Variants in DISP3 observed in about 807,000 individuals in gnomAD.
DISP3 encodes dispatched RND transporter family member 3, also known as protein dispatched homolog 3.
Under a neutral mutation model 135.3 loss-of-function variants are expected in DISP3, and 101 were observed. That is an observed-to-expected ratio of 0.75 (90% CI 0.64 to 0.88). The LOEUF (loss-of-function observed/expected upper bound fraction) is 0.88, where lower values mean the gene tolerates loss of function less well. Among genes scored for constraint, DISP3 ranks in the 40% least tolerant of loss-of-function variants. The probability of loss-of-function intolerance (pLI) is 0.00; values close to 1 mark genes in which losing one functional copy is unlikely to be tolerated. For synonymous variants in DISP3, 856 were observed against 817.0 expected, an observed-to-expected ratio of 1.05 and a Z score of -0.81; for missense variants, 1,713 against 1,878.6, an observed-to-expected ratio of 0.91 and a Z score of 1.63.
At chr1:11,486,824 C>T (rs946978288) in intron 1 of DISP3, among the ~76,000 whole-genome samples, 5 of 152,032 alleles carry the variant, frequency 3.3e-5, no homozygotes, top group South Asian at 4.1e-4. Context: ...ACTACGGGTG[C>T]GCATGACCAC....
chr1:11,520,562 C>T lies in DISP3; in HGVS notation c.2201-125C>T. 2.8e-6 allele frequency: 3 copies of T among 1,064,682 alleles called. No homozygotes were observed. The highest frequency in any genetic ancestry group is 5.1e-5 in the East Asian group (2 of 39,058). The allele number at this position is 1,064,682 out of a possible 1,614,324, so 66.0% of individuals were successfully genotyped here. On this transcript the variant is annotated intron_variant, in intron 9 of 20. Coordinates refer to ENST00000294484, the MANE Select transcript of DISP3 (RefSeq NM_020780.2). This position sits in a 1 kb window ranked among gnomAD's most constrained non-coding sequence, Gnocchi z 4.8. ...CCCACGGGCTGGCATGCAGGGCCTTCCCCCGCACCCTTAGGACACCCGCCC... is the reference window on the plus strand; with the variant it reads ...CCCACGGGCTGGCATGCAGGGCCTTTCCCCGCACCCTTAGGACACCCGCCC...
chr1:11,529,577 C>A lies in DISP3; in HGVS notation c.2820C>A (p.Ser940=). 1 of 1,577,092 alleles carries A rather than the reference C, an allele frequency of 6.3e-7. No individual in the cohort carries two copies. ...ACAGGAAGCTGTACTTCGCCCAGTC[C>A]CACAAGCCCCCCTTCCACGGGCGCG... is the stretch of plus-strand genomic sequence containing the variant. ...QHTRKLYFAQ[S]HKPPFHGRVC... Residue 940 remains serine, a synonymous_variant, in exon 14 of 21, where the codon TCC becomes TCA. Transcript: ENST00000294484. This position sits in a 1 kb window ranked among gnomAD's most constrained non-coding sequence, Gnocchi z 4.7.
At chr1:11,512,632 C>T (rs181149329) in intron 3 of DISP3, among the ~76,000 whole-genome samples, 12 of 152,334 alleles carry the variant, frequency 7.9e-5, no homozygotes, top group African/African-American at 2.9e-4. Context: ...CCCACATTTT[C>T]CTGTCTTCTT....
intron 1 of DISP3, among the ~76,000 whole-genome samples, chr1:11,493,596 C>T (rs1641247230): frequency 6.6e-6 from 1 of 152,060 alleles, no homozygotes; most frequent in African/African-American, 2.4e-5. Flanking sequence ...TGGTGGCATG[C>T]ACCTGTAATC....
chr1:11,534,307 G>A (rs775721866), intron 17 of DISP3, 74 bp from the exon 18 acceptor site: 5 of 1,565,000 alleles, frequency 3.2e-6, no homozygotes, highest in Non-Finnish European at 2.6e-6. Flanking sequence ...CCGCAGAACA[G>A]ACCAGCCATG....
intron 12 of DISP3, among the ~76,000 whole-genome samples, chr1:11,526,272 G>A (rs1020897607): frequency 6.6e-6 from 1 of 152,174 alleles, no homozygotes; most frequent in East Asian, 1.9e-4. Flanking sequence ...CTGCCCCGGC[G>A]CCTTTCTCGC....
intron 10 of DISP3, among the ~76,000 whole-genome samples, chr1:11,522,422 T>C (rs956902934): frequency 1.3e-5 from 2 of 152,104 alleles, no homozygotes; most frequent in African/African-American, 4.8e-5. Flanking sequence ...CCAGCTCCTC[T>C]ACCCCACTGC....
intron 1 of DISP3, 108 bp from the exon 2 acceptor site, chr1:11,500,882 T>G: frequency 1.6e-6 from 2 of 1,234,048 alleles, no homozygotes; most frequent in Non-Finnish European, 2.3e-6. Flanking sequence ...AGTATTAGTA[T>G]TTGGTTATGA....
In DISP3 at chr1:11,501,127, C is replaced by A; in HGVS notation, c.135C>A (p.Cys45Ter). Residue 45 changes from cysteine to a stop codon, truncating the protein, a stop_gained, in exon 2 of 21, where the codon TGC becomes TGA. Transcript: ENST00000294484. LOFTEE classifies it high-confidence loss of function. The surrounding 1 kb of genome is among the most constrained non-coding windows in gnomAD (Gnocchi z 4.9). ...AACCTGGGGCAGGGGGACAGTGTTG[C>A]TGGCGGCACTGGCCCCTGGCTTCCC... Reference protein sequence around the residue: ...GPQPGAGGQCCWRHWPLASRP... With the variant: ...GPQPGAGGQC 2 of 1,613,834 alleles carry A rather than the reference C, an allele frequency of 1.2e-6. No individual in the cohort carries two copies. The highest frequency in any genetic ancestry group is 1.7e-6 in the Non-Finnish European group (2 of 1,179,864).
At chr1:11,518,872 A>G (rs1642087548) in intron 7 of DISP3, among the ~76,000 whole-genome samples, 1 of 152,152 alleles carries the variant, frequency 6.6e-6, no homozygotes, top group African/African-American at 2.4e-5. Context: ...CAGCGCTCGT[A>G]TCAGCCGTGA....
intron 6 of DISP3, 66 bp from the exon 7 acceptor site, chr1:11,517,397 G>A: frequency 6.3e-7 from 1 of 1,589,542 alleles, no homozygotes; most frequent in Admixed American, 1.7e-5. Flanking sequence ...GGCTGCAGGG[G>A]GCACCCAGGC....
chr1:11,479,703 C>G (rs1640838612), intron 1 of DISP3, among the ~76,000 whole-genome samples: 1 of 152,242 alleles, frequency 6.6e-6, no homozygotes, highest in African/African-American at 2.4e-5. Flanking sequence ...CTGGCCCCTG[C>G]TTGTCCCCTC....
chr1:11,526,001 C>T (rs546354922), intron 12 of DISP3, among the ~76,000 whole-genome samples: 13 of 152,284 alleles, frequency 8.5e-5, no homozygotes, highest in African/African-American at 1.4e-4. Flanking sequence ...TTTGTAGAGA[C>T]AGGGTCTCTC....
chr1:11,534,754 G>T lies in DISP3; in HGVS notation c.3535+214G>T, dbSNP rs1553157755. ...GCCACGTTCTCTGATCTGGACTTTG[G>T]CCACCTAAAAAGTAACAGTCATGAC... On this transcript the variant is annotated intron_variant, in intron 18 of 20. Coordinates refer to ENST00000294484, the MANE Select transcript of DISP3 (RefSeq NM_020780.2). The T allele has an allele frequency of 3.0e-5, 24 of 786,996 alleles. No individual in the cohort carries two copies. In the South Asian group the frequency reaches 3.4e-4, roughly 11 times the overall value. 48.8% of individuals were successfully genotyped at this position (786,996 alleles called of 1,614,324 possible). A position where few individuals can be genotyped will look rare whatever the true frequency, so the allele number is the denominator to read the frequency against.
intron 10 of DISP3, among the ~76,000 whole-genome samples, chr1:11,522,739 GCCCAGCCAGGACCCAGCCAGGA>G (rs1557615339): frequency 9.0e-4 from 20 of 22,196 alleles, no homozygotes; most frequent in East Asian, 4.7e-3. Context: ...CCCAGCCAGG[GCCCAGCCAGGACCCAGCCAGGA>G]CCCAGCCAGG....
In DISP3 at chr1:11,492,121, C is replaced by CAACAA. The variant is rs1641202419; in HGVS notation, c.-3-8867_-3-8866insCAAAA. Among the ~76,000 whole-genome samples, 2 of 62,182 alleles carry CAACAA rather than the reference C, an allele frequency of 3.2e-5. 1 individual carries two copies. The highest frequency in any genetic ancestry group is 1.2e-4 in the African/African-American group (2 of 16,736). The allele number at this position is 62,182 out of a possible 152,430, so 40.8% of individuals were successfully genotyped here. On this transcript the variant is annotated intron_variant, in intron 1 of 20. Coordinates refer to ENST00000294484, the MANE Select transcript of DISP3 (RefSeq NM_020780.2). ...TGGGCGACAGAGCGAGACTCCGTCT[C>CAACAA]AAAAAAAAAAAAAAAAAAAAAAAGA...
intron 19 of DISP3, among the ~76,000 whole-genome samples, 165 bp downstream of exon 19, chr1:11,535,289 C>T (rs145398395): frequency 6.0e-4 from 92 of 152,288 alleles, no homozygotes; most frequent in Non-Finnish European, 9.3e-4. Context: ...TGAGCAGAGC[C>T]GGGGTACCCA....
chr1:11,487,940 C>T (rs953104450), intron 1 of DISP3, among the ~76,000 whole-genome samples: 2 of 152,220 alleles, frequency 1.3e-5, no homozygotes, highest in Non-Finnish European at 2.9e-5. Flanking sequence ...TGTCACACTC[C>T]TGTGTCCTGG....
Position 11,517,445 on chromosome 1 carries a change from C to T in DISP3, c.1750-18C>T, listed in dbSNP as rs1642044285. 1 of 1,613,434 alleles carries T rather than the reference C, an allele frequency of 6.2e-7. No individual in the cohort carries two copies. ...GGTCCAACCTGTCCCACATCCCTCT[C>T]TTCCTTTCCATCACCAGATCCCAGC... On this transcript the variant is annotated intron_variant, in intron 6 of 20. Coordinates refer to ENST00000294484, the MANE Select transcript of DISP3 (RefSeq NM_020780.2).
Sources: gnomAD v4.1 joint callset for allele counts (sites outside exome capture counted in the v4.1 genomes callset) on GRCh38, gnomAD v4.1.1 for gene constraint, Gnocchi (gnomAD v3.1) non-coding constraint, MANE v1.5 for transcripts, NCBI Gene and HGNC (gene_info 2026-07-23, HGNC 2026-07-21) for gene names.